Variants in ERCC6 observed in about 807,000 individuals in gnomAD.
ERCC6 encodes the protein ERCC excision repair 6, chromatin remodeling factor.
Under a neutral mutation model 158.7 loss-of-function variants are expected in ERCC6, and 116 were observed. That is an observed-to-expected ratio of 0.73 (90% CI 0.63 to 0.85). The LOEUF is 0.85. Ranked by LOEUF, ERCC6 falls within the 40% of genes least tolerant of loss-of-function variation. The pLI is 0.00. For missense variants in ERCC6, 1,698 were observed against 1,799.4 expected (o/e 0.94, Z 1.02); for synonymous variants, 678 against 659.3 (o/e 1.03, Z -0.43).
chr10:49,534,149 A>AAC (rs1554794832), intron 1 of ERCC6, among the ~76,000 whole-genome samples: 54 of 144,906 alleles, frequency 3.7e-4, no homozygotes, highest in South Asian at 6.7e-4. Flanking sequence ...AAAAAAAAAA[A>AAC]AAAAACAAAA....
At chr10:49,507,642 T>C (rs771311272) in intron 5 of ERCC6, among the ~76,000 whole-genome samples, 4 of 152,184 alleles carry the variant, frequency 2.6e-5, no homozygotes, top group Admixed American at 1.3e-4. Flanking sequence ...CAATCGTTCT[T>C]GACAGGGGGC....
chr10:49,524,978 A>G (rs1837278006), intron 4 of ERCC6: 1 of 1,347,940 alleles, frequency 7.4e-7, no homozygotes, highest in Non-Finnish European at 9.8e-7. Context: ...TTCCTGTTCA[A>G]AAAGACAACT....
At chr10:49,532,398 G>T in intron 2 of ERCC6, 145 bp downstream of exon 2, 1 of 1,283,922 alleles carries the variant, frequency 7.8e-7, no homozygotes, top group South Asian at 1.4e-5. Flanking sequence ...AGATGAGGTT[G>T]AGGACTGCCC....
chr10:49,461,622 T>C, intron 18 of ERCC6, 66 bp from the exon 19 acceptor site: 1 of 1,495,666 alleles, frequency 6.7e-7, no homozygotes. Context: ...TTTTCTCCTC[T>C]GTATAAGTAC....
chr10:49,517,496 C>T (rs756769019), intron 5 of ERCC6, among the ~76,000 whole-genome samples: 12 of 152,174 alleles, frequency 7.9e-5, no homozygotes, highest in Non-Finnish European at 1.5e-4. Context: ...TGACCTTGAG[C>T]AGTAGGGCAT....
chr10:49,510,825 T>C (rs1851520521), intron 5 of ERCC6, among the ~76,000 whole-genome samples: 1 of 152,010 alleles, frequency 6.6e-6, no homozygotes, highest in Admixed American at 6.5e-5. Flanking sequence ...TTCTGGAAAC[T>C]TTCTGTTCTG....
intron 12 of ERCC6, chr10:49,475,370 C>T (rs1350806708): frequency 6.9e-6 from 3 of 436,762 alleles, no homozygotes; most frequent in South Asian, 3.4e-5. Flanking sequence ...AGAAAATTTA[C>T]AATTCCAAGT....
chr10:49,502,978 T>G lies in ERCC6; in HGVS notation c.1527-2282A>C, dbSNP rs1432764124. ...CAAAAAAACTGATGTGCAATTAGTT[T>G]CCAGAATCACTACATTCTAGTCAGT... On this transcript the variant is annotated intron_variant, in intron 6 of 20. Transcript: ENST00000355832. The G allele has an allele frequency of 2.6e-5, 4 of 152,262 alleles. No homozygotes were observed. In the East Asian group the frequency reaches 7.7e-4, roughly 29 times the overall value. The allele number at this position is 152,262 out of a possible 1,614,324, so 9.4% of individuals were successfully genotyped here.
chr10:49,503,987 A>G (rs928693200), intron 6 of ERCC6: 7 of 152,338 alleles, frequency 4.6e-5, no homozygotes, highest in African/African-American at 1.7e-4. Flanking sequence ...AGACAAATAT[A>G]CTTGCTGGGC....
In ERCC6 at chr10:49,470,696, A is replaced by C. The variant is rs1236758512; in HGVS notation, c.3264T>G (p.Ser1088Arg). 6.2e-7 allele frequency: 1 copy of C among 1,613,968 alleles called. No homozygotes were observed. The highest frequency in any genetic ancestry group is 8.5e-7 in the Non-Finnish European group (1 of 1,180,020). ...AEVNAVTSNR[S>R]DPLKDDPHMS... ...TGTGAGGGTCATCTTTCAAAGGATC[A>C]CTTCGATTAGAAGTTACTGCATTTA... Residue 1088 changes from serine to arginine, a missense_variant, in exon 18 of 21, where the codon AGT becomes AGG. Coordinates refer to ENST00000355832, the MANE Select transcript of ERCC6 (RefSeq NM_000124.4).
intron 7 of ERCC6, among the ~76,000 whole-genome samples, chr10:49,498,598 T>C (rs1851304682): frequency 6.6e-6 from 1 of 152,176 alleles, no homozygotes; most frequent in Non-Finnish European, 1.5e-5. Context: ...AATACCATCT[T>C]AATAAAGACA....
chr10:49,524,506 C>CACTGGGGCTGGAGGCGTG lies in ERCC6; in HGVS notation c.906_923dup (p.Thr303_Val308dup), dbSNP rs765040780. On this transcript the variant is annotated inframe_insertion, in exon 5 of 21. Coordinates refer to ENST00000355832, the MANE Select transcript of ERCC6 (RefSeq NM_000124.4). The stretch of plus-strand genomic sequence containing the variant: ...TCTTGTTTGGTTTGTTTTTATTTTG[C>CACTGGGGCTGGAGGCGTG]ACTGGGGCTGGAGGCGTGACTGGGG... 6.2e-7 allele frequency: 1 copy of CACTGGGGCTGGAGGCGTG among 1,614,192 alleles called. No individual in the cohort carries two copies. The highest frequency in any genetic ancestry group is 8.5e-7 in the Non-Finnish European group (1 of 1,180,038).
chr10:49,461,993 G>A (rs1358633572), intron 18 of ERCC6, among the ~76,000 whole-genome samples: 1 of 152,182 alleles, frequency 6.6e-6, no homozygotes. Flanking sequence ...TAATTTATAT[G>A]TTTAATGTAA....
intron 18 of ERCC6, among the ~76,000 whole-genome samples, chr10:49,462,621 A>G (rs1432976070): frequency 2.0e-5 from 3 of 152,186 alleles, no homozygotes; most frequent in Non-Finnish European, 4.4e-5. Context: ...CTTTAAAACC[A>G]AGGGGAAAAA....
chr10:49,517,631 T>TC (rs1837021457), intron 5 of ERCC6, among the ~76,000 whole-genome samples: 1 of 152,208 alleles, frequency 6.6e-6, no homozygotes, highest in East Asian at 1.9e-4. Flanking sequence ...TTCTTTCTTT[T>TC]TTTTTTTTCT....
intron 5 of ERCC6, among the ~76,000 whole-genome samples, chr10:49,521,610 C>T (rs763758370): frequency 1.3e-5 from 2 of 152,212 alleles, no homozygotes; most frequent in African/African-American, 2.4e-5. Flanking sequence ...TACTTCTAAG[C>T]AGTGGCTCAT....
chr10:49,516,371 A>C, intron 5 of ERCC6: 1 of 1,614,180 alleles, frequency 6.2e-7, no homozygotes, highest in Non-Finnish European at 8.5e-7. Context: ...TGCTTATGAG[A>C]GGTCGCAATT....
Position 49,471,114 on chromosome 10 carries a change from G to A in ERCC6, c.2931C>T (p.Ile977=), listed in dbSNP as rs767997161. The change falls in exon 17 of 21, where the codon ATC becomes ATT. Residue 977 remains isoleucine (I), a synonymous_variant. Coordinates refer to ENST00000355832, the MANE Select transcript of ERCC6 (RefSeq NM_000124.4). ...CTCTATTTGTCAAAAACTGCTTGAA[G>A]ATTTGTCTAAAAAAATAAAAGATAA... ...TIEEKIYHRQ[I]FKQFLTNRVL... is the part of the protein sequence containing the mutation. 28 of 1,613,778 alleles carry A rather than the reference G, an allele frequency of 1.7e-5. No individual in the cohort carries two copies. The Admixed American group carries it at 4.7e-4, about 27-fold the overall frequency.
intron 7 of ERCC6, among the ~76,000 whole-genome samples, chr10:49,497,603 G>C (rs1472129719): frequency 2.0e-5 from 3 of 152,076 alleles, no homozygotes; most frequent in Admixed American, 6.5e-5. Context: ...TGAGATCTAG[G>C]AGCAGACCTA....
Sources: gnomAD v4.1 joint callset for allele counts (sites outside exome capture counted in the v4.1 genomes callset) on GRCh38, gnomAD v4.1.1 for gene constraint, MANE v1.5 for transcripts, NCBI Gene and HGNC (gene_info 2026-07-23, HGNC 2026-07-21) for gene names.